Variants in SH3BGRL2 observed in about 807,000 individuals in gnomAD.
SH3BGRL2 encodes the protein SH3 domain-binding glutamic acid-rich-like protein 2.
In SH3BGRL2, 21 loss-of-function variants were observed where a neutral mutation model predicts 14.8. The ratio of observed to expected loss-of-function variants is 1.42; its 90% CI spans 1.01 to 2.05. The LOEUF (loss-of-function observed/expected upper bound fraction) is 2.05. Among genes scored for constraint, SH3BGRL2 ranks in the 30% most tolerant of loss-of-function variants. SH3BGRL2 has a pLI of 0.00. For synonymous variants in SH3BGRL2, 50 were observed against 47.8 expected, an observed-to-expected ratio of 1.05 and a Z score of -0.19; for missense variants, 147 against 130.8, an observed-to-expected ratio of 1.12 and a Z score of -0.61.
intron 3 of SH3BGRL2, among the ~76,000 whole-genome samples, chr6:79,699,249 G>T (rs1343442687): frequency 6.6e-6 from 1 of 152,250 alleles, no homozygotes; most frequent in East Asian, 1.9e-4. Context: ...AGGAATCTCA[G>T]TAGGTCATTG....
chr6:79,625,127 C>T, the SH3BGRL2 span, among the ~76,000 whole-genome samples: 5 of 151,872 alleles, frequency 3.3e-5, no homozygotes, highest in Non-Finnish European at 7.4e-5. Context: ...GAGCCGTGAT[C>T]GCACCACTGC....
At chr6:79,692,483 G>C (rs914541291) in intron 2 of SH3BGRL2, among the ~76,000 whole-genome samples, 6 of 152,138 alleles carry the variant, frequency 3.9e-5, no homozygotes, top group Admixed American at 6.6e-5. Flanking sequence ...GGTTTTTATG[G>C]TTCTAGGTCT....
the SH3BGRL2 span, among the ~76,000 whole-genome samples, chr6:79,625,883 C>G: frequency 6.6e-6 from 1 of 152,196 alleles, no homozygotes; most frequent in Non-Finnish European, 1.5e-5. Flanking sequence ...CTTAACCCCT[C>G]TGGCCTACCC....
At chr6:79,599,024 T>A in the SH3BGRL2 span, among the ~76,000 whole-genome samples, 1 of 147,668 alleles carries the variant, frequency 6.8e-6, no homozygotes, top group East Asian at 2.0e-4. Flanking sequence ...GAGGTTGCAG[T>A]GAGCCAAGAT....
intron 1 of SH3BGRL2, among the ~76,000 whole-genome samples, chr6:79,636,647 G>A (rs1357142781): frequency 6.6e-6 from 1 of 152,202 alleles, no homozygotes; most frequent in East Asian, 1.9e-4. Context: ...TGAGATCAGG[G>A]AGTTGGTGGG....
chr6:79,673,951 G>A, intron 2 of SH3BGRL2, 152 bp downstream of exon 2: 1 of 788,726 alleles, frequency 1.3e-6, no homozygotes, highest in South Asian at 1.8e-5. Flanking sequence ...AAGTTGAGAA[G>A]GGATGTGAGT....
chr6:79,630,785 C>G (rs1768806458), upstream of SH3BGRL2, among the ~76,000 whole-genome samples: 1 of 152,066 alleles, frequency 6.6e-6, no homozygotes, highest in Non-Finnish European at 1.5e-5. Context: ...AAGAGAAGAC[C>G]TCTCATTTAC....
At chr6:79,665,451 G>A (rs184307977) in intron 1 of SH3BGRL2, among the ~76,000 whole-genome samples, 1 of 152,162 alleles carries the variant, frequency 6.6e-6, no homozygotes, top group Admixed American at 6.5e-5. Flanking sequence ...CTCCCTGGAA[G>A]GTTCTATGAA....
chr6:79,667,794 A>G (rs1415743826), intron 1 of SH3BGRL2, among the ~76,000 whole-genome samples: 2 of 152,048 alleles, frequency 1.3e-5, no homozygotes, highest in Non-Finnish European at 2.9e-5. Flanking sequence ...TTGGAAATGG[A>G]AGCTAAGAGA....
chr6:79,577,303 G>C, the SH3BGRL2 span, among the ~76,000 whole-genome samples: 2 of 150,312 alleles, frequency 1.3e-5, no homozygotes, highest in South Asian at 2.1e-4. Context: ...AAATCAGGTA[G>C]TGTAAGTTCT....
intron 1 of SH3BGRL2, among the ~76,000 whole-genome samples, chr6:79,663,786 G>C (rs1769601948): frequency 6.6e-6 from 1 of 152,216 alleles, no homozygotes; most frequent in South Asian, 2.1e-4. Context: ...GGAGTCTATA[G>C]AGGCTGTAGG....
chr6:79,618,225 A>AG, the SH3BGRL2 span, among the ~76,000 whole-genome samples: 1 of 152,216 alleles, frequency 6.6e-6, no homozygotes, highest in African/African-American at 2.4e-5. Context: ...GTCACTTTCA[A>AG]GGGTGGCAAA....
At chr6:79,588,608 T>C in the SH3BGRL2 span, among the ~76,000 whole-genome samples, 2 of 152,204 alleles carry the variant, frequency 1.3e-5, no homozygotes, top group Non-Finnish European at 2.9e-5. Context: ...AGGTGGCATG[T>C]TCTGATCCCC....
At chr6:79,586,541 G>T in the SH3BGRL2 span, among the ~76,000 whole-genome samples, 1 of 152,098 alleles carries the variant, frequency 6.6e-6, no homozygotes, top group African/African-American at 2.4e-5. Context: ...TTCTGAGATT[G>T]TAAAACAGAC....
the SH3BGRL2 span, among the ~76,000 whole-genome samples, chr6:79,592,429 T>C: frequency 6.6e-6 from 1 of 152,188 alleles, no homozygotes; most frequent in Non-Finnish European, 1.5e-5. Context: ...TGATATGTAT[T>C]ACAAAGTGAA....
At chr6:79,643,141 T>C (rs957596365) in intron 1 of SH3BGRL2, among the ~76,000 whole-genome samples, 4 of 152,348 alleles carry the variant, frequency 2.6e-5, no homozygotes, top group East Asian at 3.9e-4. Context: ...CTACAAACTA[T>C]GATTTCTTAT....
At chr6:79,557,430 T>A in the SH3BGRL2 span, among the ~76,000 whole-genome samples, 1 of 151,984 alleles carries the variant, frequency 6.6e-6, no homozygotes, top group Admixed American at 6.5e-5. Flanking sequence ...GAAGAAGATG[T>A]TGAATTTTTC....
At chr6:79,692,500 T>G (rs932793212) in intron 2 of SH3BGRL2, among the ~76,000 whole-genome samples, 2 of 152,224 alleles carry the variant, frequency 1.3e-5, no homozygotes, top group Non-Finnish European at 2.9e-5. Flanking sequence ...GTCTAACATT[T>G]AAGTCTTTAA....
At chr6:79,540,352 A>G in the SH3BGRL2 span, among the ~76,000 whole-genome samples, 3 of 152,016 alleles carry the variant, frequency 2.0e-5, no homozygotes, top group Non-Finnish European at 2.9e-5. Flanking sequence ...GGAGAATGGC[A>G]TGAACCCGGG....
Sources: gnomAD v4.1 joint callset for allele counts (sites outside exome capture counted in the v4.1 genomes callset) on GRCh38, gnomAD v4.1.1 for gene constraint, MANE v1.5 for transcripts, NCBI Gene and HGNC (gene_info 2026-07-23, HGNC 2026-07-21) for gene names.